Variants in DNAH11 observed in about 807,000 individuals in gnomAD.
DNAH11 encodes axonemal beta dynein heavy chain 11.
In DNAH11, 442 loss-of-function variants were observed where a neutral mutation model predicts 526.0. The observed-to-expected ratio is 0.84, with a 90% CI of 0.78 to 0.91. DNAH11 has a LOEUF of 0.91. Ranked by LOEUF, DNAH11 falls within the 40% of genes least tolerant of loss-of-function variation. The pLI is 0.00. For synonymous variants in DNAH11, 2,461 were observed against 1,935.9 expected (o/e 1.27, Z -7.12); for missense variants, 6,989 against 5,448.7 (o/e 1.28, Z -8.90).
chr7:21,872,901 AAACT>A (rs1160625926), intron 73 of DNAH11, among the ~76,000 whole-genome samples: 4 of 152,178 alleles, frequency 2.6e-5, no homozygotes, highest in Non-Finnish European at 4.4e-5. Flanking sequence ...ATATTTTCTC[AAACT>A]AACCCCAATA....
chr7:21,574,344 G>A lies in DNAH11; in HGVS notation c.1593+2371G>A, dbSNP rs145458963. Reference sequence around the variant, plus strand: ...TGAGAGCCAGTTAATATTTATGGACGAAGTACTGGATGCCAGGCGTTGTGC... The same window carrying A: ...TGAGAGCCAGTTAATATTTATGGACAAAGTACTGGATGCCAGGCGTTGTGC... On this transcript the variant is annotated intron_variant, in intron 8 of 81. Coordinates refer to ENST00000409508, the MANE Select transcript of DNAH11 (RefSeq NM_001277115.2). Among the ~76,000 whole-genome samples, 391 of 152,242 alleles carry A rather than the reference G, an allele frequency of 2.6e-3. 2 individuals are homozygous for A. Among genetic ancestry groups the A allele is most frequent in the South Asian group, 4.8e-3 (23 of 4,824 alleles).
At chr7:21,687,601 G>T in intron 34 of DNAH11, 74 bp downstream of exon 34, 1 of 1,505,942 alleles carries the variant, frequency 6.6e-7, no homozygotes. Context: ...CCCCTTCACT[G>T]TCTATTGCTA....
chr7:21,698,640 C>T (rs1485228413), intron 36 of DNAH11, among the ~76,000 whole-genome samples: 1 of 152,162 alleles, frequency 6.6e-6, no homozygotes, highest in African/African-American at 2.4e-5. Context: ...CTGCAAATGC[C>T]ATTATTTCAT....
rs1261327545 is a variant in DNAH11 at position 21,606,454 on chromosome 7, A to G, written c.3677A>G (p.Lys1226Arg). Residue 1226 changes from lysine (K) to arginine (R), a missense_variant, in exon 19 of 82, where the codon AAA becomes AGA. Lys to Arg is a conservative substitution (Grantham distance 26). Transcript: ENST00000409508. The part of the protein sequence containing the change: ...EELPERWETT[K>R]KIAATVRHEV... ...TTACCTGAAAGATGGGAAACTACCA[A>G]AAAGATCGCAGCAACTGTCAGACAT... 2.5e-6 allele frequency: 4 copies of G among 1,606,462 alleles called. No homozygotes were observed. The highest frequency in any genetic ancestry group is 1.7e-5 in the Admixed American group (1 of 58,470).
chr7:21,669,437 T>C (rs182870412), intron 30 of DNAH11, among the ~76,000 whole-genome samples: 1 of 152,194 alleles, frequency 6.6e-6, no homozygotes, highest in African/African-American at 2.4e-5. Context: ...TCCCAAAGTG[T>C]TGGGATTAAA....
intron 63 of DNAH11, among the ~76,000 whole-genome samples, chr7:21,809,174 A>G (rs2127997001): frequency 6.6e-6 from 1 of 152,298 alleles, no homozygotes; most frequent in East Asian, 1.9e-4. Context: ...GGCCATTTGT[A>G]CATCTTCTTC....
chr7:21,632,585 A>G (rs546031232), intron 25 of DNAH11, among the ~76,000 whole-genome samples: 1 of 152,306 alleles, frequency 6.6e-6, no homozygotes, highest in South Asian at 2.1e-4. Context: ...AGGGCAGGGG[A>G]AAAACTCCAC....
intron 65 of DNAH11, among the ~76,000 whole-genome samples, chr7:21,835,790 A>G (rs777750302): frequency 1.4e-4 from 21 of 152,024 alleles, no homozygotes; most frequent in Non-Finnish European, 2.6e-4. Context: ...AAGGGCATCC[A>G]AATTGGAAAG....
At chr7:21,855,967 T>C (rs1357438242) in intron 68 of DNAH11, among the ~76,000 whole-genome samples, 1 of 152,094 alleles carries the variant, frequency 6.6e-6, no homozygotes, top group Non-Finnish European at 1.5e-5. Context: ...CCAGAGGAAG[T>C]AACGTTTATT....
chr7:21,720,503 A>T (rs1490997407), intron 43 of DNAH11, among the ~76,000 whole-genome samples: 1 of 150,514 alleles, frequency 6.6e-6, no homozygotes, highest in Non-Finnish European at 1.5e-5. Flanking sequence ...TTTTGTTTTT[A>T]AAAAATAGTT....
chr7:21,852,763 C>A, intron 67 of DNAH11, 132 bp downstream of exon 67: 1 of 930,744 alleles, frequency 1.1e-6, no homozygotes, highest in Non-Finnish European at 1.5e-6. Flanking sequence ...ATTTAATAAG[C>A]TGCAGTTGGA....
At position 21,727,513 on chromosome 7, in the gene DNAH11, C is replaced by A. The variant is rs565192576; in HGVS notation, c.7440+1529C>A. Among the ~76,000 whole-genome samples the A allele has an allele frequency of 2.6e-5, 4 of 152,362 alleles. No homozygotes were observed. In the South Asian group the frequency reaches 8.3e-4, roughly 32 times the overall value. On this transcript the variant is annotated intron_variant, in intron 45 of 81. Coordinates refer to ENST00000409508, the MANE Select transcript of DNAH11 (RefSeq NM_001277115.2). ...GCTAATGATCCAAATGAACCTTTCTCTCTTTCTTCACTGTTTCTTTTCATA... is the reference window on the plus strand; with the variant it reads ...GCTAATGATCCAAATGAACCTTTCTATCTTTCTTCACTGTTTCTTTTCATA...
In DNAH11 at chr7:21,543,163, G is replaced by A. The variant is rs997355592; in HGVS notation, c.-83G>A. The A allele has an allele frequency of 2.1e-6, 3 of 1,440,622 alleles. No individual in the cohort carries two copies. The Admixed American group carries it at 8.5e-5, about 41-fold the overall frequency. The allele number at this position is 1,440,622 out of a possible 1,614,324, so 89.2% of individuals were successfully genotyped here. A position where few individuals can be genotyped will look rare whatever the true frequency, so the allele number is the denominator to read the frequency against. ...ACCGCGGAGGAGGGTGGGCGCCTGC[G>A]GAGGTGTCCTCGCTCACTTCGGGGG... On this transcript the variant is annotated 5_prime_UTR_variant, in exon 1 of 82. Transcript: ENST00000409508.
intron 62 of DNAH11, among the ~76,000 whole-genome samples, chr7:21,802,114 G>A (rs906355604): frequency 2.6e-5 from 4 of 152,088 alleles, no homozygotes; most frequent in African/African-American, 9.7e-5. Flanking sequence ...CATAATGTAC[G>A]TTCAAGTATT....
Position 21,864,557 on chromosome 7 carries a change from T to G in DNAH11, c.11396T>G (p.Ile3799Arg). ...AFQILLRKKE[I>R]DPLELDFLLR... ...AAGATTTTGTTGAGAAAGAAAGAGATAGACCCTCTTGAATTGGATTTCCTG... is the reference window on the plus strand; with the variant it reads ...AAGATTTTGTTGAGAAAGAAAGAGAGAGACCCTCTTGAATTGGATTTCCTG... The change falls in exon 70 of 82, where the codon ATA (isoleucine) becomes AGA (arginine). Residue 3799 changes from isoleucine to arginine, a missense_variant. Coordinates refer to ENST00000409508, the MANE Select transcript of DNAH11 (RefSeq NM_001277115.2). 1.2e-6 allele frequency: 2 copies of G among 1,611,928 alleles called. No homozygotes were observed.
intron 63 of DNAH11, among the ~76,000 whole-genome samples, chr7:21,813,087 A>T (rs1489687468): frequency 6.6e-6 from 1 of 152,208 alleles, no homozygotes; most frequent in Non-Finnish European, 1.5e-5. Context: ...CACAGAGGGT[A>T]GTGGCTGAAA....
intron 9 of DNAH11, among the ~76,000 whole-genome samples, chr7:21,586,794 G>A (rs74361111): frequency 6.6e-6 from 1 of 152,202 alleles, no homozygotes; most frequent in Non-Finnish European, 1.5e-5. Context: ...ATACCTATAT[G>A]ACAGGCTTAA....
At chr7:21,741,030 C>T (rs767772826) in intron 48 of DNAH11, among the ~76,000 whole-genome samples, 19 of 152,110 alleles carry the variant, frequency 1.2e-4, no homozygotes, top group Non-Finnish European at 2.1e-4. Flanking sequence ...TTCGGAGAAA[C>T]GTCTATTCAA....
intron 30 of DNAH11, among the ~76,000 whole-genome samples, chr7:21,677,725 A>G (rs757290006): frequency 1.4e-4 from 21 of 152,218 alleles, no homozygotes; most frequent in Non-Finnish European, 1.9e-4. Context: ...TAGTAGGTTA[A>G]GGTACATCAT....
Sources: allele counts gnomAD v4.1 joint callset (sites outside exome capture counted in the v4.1 genomes callset), GRCh38; gene constraint gnomAD v4.1.1; transcripts MANE v1.5; gene names NCBI Gene and HGNC (gene_info 2026-07-23, HGNC 2026-07-21).